PHLPP2: variants seen among roughly 807,000 people sequenced by gnomAD.
The protein encoded by PHLPP2 is PH domain leucine-rich repeat-containing protein phosphatase 2.
In PHLPP2, 66 loss-of-function variants were observed where a neutral mutation model predicts 124.9. That is an observed-to-expected ratio of 0.53 (90% CI 0.43 to 0.65). The LOEUF (loss-of-function observed/expected upper bound fraction) is 0.65, where lower values mean the gene tolerates loss of function less well. PHLPP2 is among the 30% of genes least tolerant of loss of function. PHLPP2 has a pLI of 0.00. For synonymous variants in PHLPP2, 681 were observed against 624.7 expected (o/e 1.09, Z -1.34); for missense variants, 1,685 against 1,600.4 (o/e 1.05, Z -0.90).
rs750166651 is a variant in PHLPP2 at position 71,664,058 on chromosome 16, A to G, written c.1826T>C (p.Leu609Ser). The change falls in exon 13 of 19, where the codon TTA becomes TCA. Residue 609 changes from leucine to serine, a missense_variant. By Grantham distance (145) the Leu-to-Ser change is moderately radical (BLOSUM62 -2). Transcript: ENST00000568954. ...CTCCTCTCCAGTGCAGGCGGATGGT[A>G]AAGACTCCAGACTATTTGCAGATGC... is the stretch of plus-strand genomic sequence containing the variant. Reference protein sequence around the residue: ...LNASANSLESLPSACTGEESL... With the variant: ...LNASANSLESSPSACTGEESL... The G allele has an allele frequency of 2.5e-6, 4 of 1,613,836 alleles. No homozygotes were observed. Among genetic ancestry groups the G allele is most frequent in the Admixed American group, 1.7e-5 (1 of 59,998 alleles).
intron 2 of PHLPP2, among the ~76,000 whole-genome samples, chr16:71,706,075 T>G (rs1756947295): frequency 6.6e-6 from 1 of 152,220 alleles, no homozygotes; most frequent in South Asian, 2.1e-4. Flanking sequence ...AATAATATAC[T>G]GCAAAACAGG....
At chr16:71,659,967 TATC>T (rs2044774297) in intron 13 of PHLPP2, among the ~76,000 whole-genome samples, 1 of 152,100 alleles carries the variant, frequency 6.6e-6, no homozygotes, top group Non-Finnish European at 1.5e-5. Context: ...TCATATAACA[TATC>T]ATAAATAATT....
At position 71,677,291 on chromosome 16, in the gene PHLPP2, T is replaced by C. The variant is rs528605184; in HGVS notation, c.1269-642A>G. On this transcript the variant is annotated intron_variant, in intron 8 of 18. Transcript: ENST00000568954. ...TAAGTAGGACAAAGGAACAGGAAGA[T>C]GAACACAACCTTTTGAGTCAGTGAG... The C allele has an allele frequency of 4.2e-4, 64 of 153,424 alleles. No individual in the cohort carries two copies. In the South Asian group the frequency reaches 6.3e-3, roughly 15 times the overall value. 9.5% of individuals were successfully genotyped at this position (153,424 alleles called of 1,614,324 possible).
intron 3 of PHLPP2, among the ~76,000 whole-genome samples, chr16:71,695,482 T>C (rs2045160187): frequency 6.6e-6 from 1 of 152,048 alleles, no homozygotes. Flanking sequence ...GCCAAGGCCG[T>C]CGGATCACCT....
intron 16 of PHLPP2, 82 bp downstream of exon 16, chr16:71,656,489 A>G: frequency 1.3e-6 from 1 of 756,088 alleles, no homozygotes; most frequent in East Asian, 2.5e-5. Flanking sequence ...AACATGGCCT[A>G]GCTATTATGA....
chr16:71,715,322 T>C (rs1037176512), intron 1 of PHLPP2: 2 of 154,022 alleles, frequency 1.3e-5, no homozygotes, highest in African/African-American at 4.8e-5. Context: ...TGAGCCGTGA[T>C]TGTGCCACTG....
chr16:71,716,486 AT>A, intron 1 of PHLPP2, among the ~76,000 whole-genome samples: 1 of 152,246 alleles, frequency 6.6e-6, no homozygotes. Flanking sequence ...TCTACAGGTA[AT>A]ATAACAAGTT....
intron 3 of PHLPP2, among the ~76,000 whole-genome samples, chr16:71,697,830 A>T (rs2045189012): frequency 6.8e-6 from 1 of 148,042 alleles, no homozygotes; most frequent in African/African-American, 2.5e-5. Context: ...TTTTTTTTTA[A>T]GGTGAACAGG....
chr16:71,702,661 G>C lies in PHLPP2; in HGVS notation c.355C>G (p.Pro119Ala), dbSNP rs1406334051. Residue 119 changes from proline to alanine, a missense_variant, in exon 3 of 19, where the codon CCT becomes GCT. Pro to Ala is a conservative substitution (Grantham distance 27, BLOSUM62 -1). Coordinates refer to ENST00000568954, the MANE Select transcript of PHLPP2 (RefSeq NM_015020.3). ...DYLSRLGFDDPVRIQEEATNP... is the reference protein window; with the variant it reads ...DYLSRLGFDDAVRIQEEATNP... The stretch of plus-strand genomic sequence containing the variant: ...GTAGCCTCCTCCTGTATGCGCACAG[G>C]ATCATCAAATCCCAGCCTGGATAAG... 1.2e-6 allele frequency: 2 copies of C among 1,610,520 alleles called. No individual in the cohort carries two copies. Among genetic ancestry groups the C allele is most frequent in the African/African-American group, 2.7e-5 (2 of 74,810 alleles).
chr16:71,676,399 T>G, intron 9 of PHLPP2, 48 bp downstream of exon 9: 1 of 1,485,280 alleles, frequency 6.7e-7, no homozygotes, highest in Non-Finnish European at 9.4e-7. Flanking sequence ...CAGAAAGCAC[T>G]GACAACAGCT....
chr16:71,648,748 G>A lies in PHLPP2; in HGVS notation c.*142C>T. 3.0e-6 allele frequency: 2 copies of A among 666,610 alleles called. No individual in the cohort carries two copies. Among genetic ancestry groups the A allele is most frequent in the Non-Finnish European group, 5.1e-6 (2 of 389,012 alleles). The allele number at this position is 666,610 out of a possible 1,614,324, so 41.3% of individuals were successfully genotyped here. A position where few individuals can be genotyped will look rare whatever the true frequency, so the allele number is the denominator to read the frequency against. On this transcript the variant is annotated 3_prime_UTR_variant, in exon 19 of 19. Transcript: ENST00000568954. ...ACCCCACCATTGCACTCCAGCCTGA[G>A]CGACTGAGCAAGACTCCGTCTCAAA...
intron 6 of PHLPP2, among the ~76,000 whole-genome samples, chr16:71,680,045 T>C (rs1216060818): frequency 6.6e-6 from 1 of 150,910 alleles, no homozygotes; most frequent in East Asian, 1.9e-4. Flanking sequence ...ATTGCGCCAC[T>C]GCACTCCAGC....
rs777275984 is a variant in PHLPP2 at position 71,690,653 on chromosome 16, C to G, written c.475G>C (p.Val159Leu). 4.3e-6 allele frequency: 7 copies of G among 1,613,702 alleles called. No homozygotes were observed. The highest frequency in any genetic ancestry group is 1.3e-5 in the African/African-American group (1 of 74,892). Residue 159 changes from valine to leucine, a missense_variant, in exon 4 of 19, where the codon GTA becomes CTA. Coordinates refer to ENST00000568954, the MANE Select transcript of PHLPP2 (RefSeq NM_015020.3). ...DRILLSGIYN[V>L]RKGKTQLHKW... ...TGCAGCTGGGTCTTTCCCTTGCGTA[C>G]ATTATAGATGCCAGACAATAGGATT...
At chr16:71,683,498 CACTG>C (rs1373239409) in intron 5 of PHLPP2, among the ~76,000 whole-genome samples, 1 of 152,196 alleles carries the variant, frequency 6.6e-6, no homozygotes, top group East Asian at 1.9e-4. Context: ...ATCCATCTAT[CACTG>C]ACTATTACGG....
chr16:71,702,557 C>T (rs889176154), intron 3 of PHLPP2, 41 bp downstream of exon 3: 1 of 1,553,678 alleles, frequency 6.4e-7, no homozygotes, highest in Non-Finnish European at 8.8e-7. Context: ...AATGATCAAC[C>T]TAAAAGTAGT....
chr16:71,723,258 C>G (rs1045109653), intron 1 of PHLPP2: 1 of 152,356 alleles, frequency 6.6e-6, no homozygotes, highest in Non-Finnish European at 1.5e-5. Flanking sequence ...CCGGCTCCAC[C>G]CGGCCTGGCC....
chr16:71,720,535 G>C (rs767283748), intron 1 of PHLPP2, among the ~76,000 whole-genome samples: 21 of 152,122 alleles, frequency 1.4e-4, no homozygotes, highest in Admixed American at 6.5e-4. Context: ...ACAGGGTCTG[G>C]TAAAGTAACT....
At chr16:71,714,233 C>G (rs930546909) in intron 2 of PHLPP2, among the ~76,000 whole-genome samples, 1 of 152,020 alleles carries the variant, frequency 6.6e-6, no homozygotes, top group Admixed American at 6.6e-5. Context: ...AGCCACTGTG[C>G]CCAGCCAAAA....
intron 2 of PHLPP2, 131 bp from the exon 3 acceptor site, chr16:71,702,862 A>G (rs1304313106): frequency 8.9e-6 from 5 of 560,618 alleles, no homozygotes; most frequent in Admixed American, 3.1e-5. Flanking sequence ...TATACTGCTT[A>G]GTAGTGAAGT....
Sources: allele counts gnomAD v4.1 joint callset (sites outside exome capture counted in the v4.1 genomes callset), GRCh38; gene constraint gnomAD v4.1.1; transcripts MANE v1.5; gene names NCBI Gene and HGNC (gene_info 2026-07-23, HGNC 2026-07-21).